HDAC4: variants seen among roughly 807,000 people sequenced by gnomAD.
HDAC4 encodes histone deacetylase A.
A neutral mutation model predicts 135.1 loss-of-function variants in HDAC4; 16 were observed. The ratio of observed to expected loss-of-function variants is 0.12; its 90% CI spans 0.08 to 0.18. The LOEUF (loss-of-function observed/expected upper bound fraction) is 0.18, where lower values mean the gene tolerates loss of function less well. HDAC4 is among the 10% of genes least tolerant of loss of function. The probability of loss-of-function intolerance (pLI) is 1.00; values close to 1 mark genes in which losing one functional copy is unlikely to be tolerated. For synonymous variants in HDAC4, 685 were observed against 653.4 expected (o/e 1.05, Z -0.74); for missense variants, 1,143 against 1,511.8 (o/e 0.76, Z 4.05).
intron 2 of HDAC4, among the ~76,000 whole-genome samples, chr2:239,254,329 T>C (rs2048941322): frequency 6.6e-6 from 1 of 151,492 alleles, no homozygotes; most frequent in Admixed American, 6.6e-5. Flanking sequence ...ACCCACCATG[T>C]GGGAATCGGC....
rs1052630585 is a variant in HDAC4, at chr2:239,303,803, G to C, written c.22+48875C>G. 6.6e-6 allele frequency among the ~76,000 whole-genome samples: 1 copy of C among 152,130 alleles called. No individual in the cohort carries two copies. Among genetic ancestry groups the C allele is most frequent in the South Asian group, 2.1e-4 (1 of 4,820 alleles). On this transcript the variant is annotated intron_variant, in intron 2 of 26. Transcript: ENST00000543185. The surrounding 1 kb of genome is among the most constrained non-coding windows in gnomAD (Gnocchi z 5.1). Reference sequence around the variant, plus strand: ...TCCCCCGTGCTCAACTGCAGGGCGCGGCACTCGCCTATGCTCTCATGAAGC... The same window carrying C: ...TCCCCCGTGCTCAACTGCAGGGCGCCGCACTCGCCTATGCTCTCATGAAGC...
intron 2 of HDAC4, among the ~76,000 whole-genome samples, chr2:239,287,996 T>C (rs1468159920): frequency 1.3e-5 from 2 of 151,768 alleles, no homozygotes; most frequent in Admixed American, 1.3e-4. Flanking sequence ...CCCCAAATAG[T>C]CTGAGGTTAA....
chr2:239,156,251 C>T (rs773470682), intron 7 of HDAC4, among the ~76,000 whole-genome samples: 1 of 152,226 alleles, frequency 6.6e-6, no homozygotes, highest in Non-Finnish European at 1.5e-5. Context: ...GCTGGCACTG[C>T]CCAGCGCCAT....
chr2:239,203,560 A>C (rs758963557), intron 3 of HDAC4, among the ~76,000 whole-genome samples: 12 of 152,194 alleles, frequency 7.9e-5, no homozygotes, highest in South Asian at 4.1e-4. Context: ...TAACTGAAAC[A>C]GACTTGGGTT....
intron 3 of HDAC4, among the ~76,000 whole-genome samples, chr2:239,211,304 T>C (rs1280556868): frequency 1.3e-5 from 2 of 152,166 alleles, no homozygotes; most frequent in Non-Finnish European, 2.9e-5. Flanking sequence ...CTAAGCAGTA[T>C]AAAAGCCAGC....
At chr2:239,278,587 G>A (rs1427485943) in intron 2 of HDAC4, among the ~76,000 whole-genome samples, 1 of 151,986 alleles carries the variant, frequency 6.6e-6, no homozygotes, top group Non-Finnish European at 1.5e-5. Context: ...CAGCAGGATC[G>A]CCTGAGCCCA....
At chr2:239,161,426 G>A (rs972893367) in intron 6 of HDAC4, among the ~76,000 whole-genome samples, 8 of 152,106 alleles carry the variant, frequency 5.3e-5, no homozygotes, top group African/African-American at 1.7e-4. Context: ...TCAGTTTTGC[G>A]TCTAGGCTCA....
intron 3 of HDAC4, among the ~76,000 whole-genome samples, chr2:239,204,791 T>G (rs1229510728): frequency 1.3e-5 from 2 of 152,164 alleles, no homozygotes; most frequent in Non-Finnish European, 2.9e-5. Flanking sequence ...GTCTATCCTC[T>G]GGAGCTCCTA....
chr2:239,278,717 T>C (rs971275887), intron 2 of HDAC4, among the ~76,000 whole-genome samples: 2 of 152,230 alleles, frequency 1.3e-5, no homozygotes, highest in Non-Finnish European at 2.9e-5. Flanking sequence ...TCAAAATAAG[T>C]GGCCGAAGGC....
chr2:239,193,594 G>A (rs1043945797), intron 3 of HDAC4, among the ~76,000 whole-genome samples: 3 of 152,250 alleles, frequency 2.0e-5, no homozygotes, highest in African/African-American at 7.2e-5. Flanking sequence ...GGAGGGTCAT[G>A]GGGACGGGGG....
chr2:239,272,073 T>C (rs1439682057), intron 2 of HDAC4, among the ~76,000 whole-genome samples: 1 of 152,194 alleles, frequency 6.6e-6, no homozygotes, highest in African/African-American at 2.4e-5. Context: ...CCCACGGACA[T>C]TCAATTAAAA....
At chr2:239,196,296 C>T (rs1016421108) in intron 3 of HDAC4, among the ~76,000 whole-genome samples, 1 of 152,128 alleles carries the variant, frequency 6.6e-6, no homozygotes, top group African/African-American at 2.4e-5. Flanking sequence ...AGTAAAAGAA[C>T]AGTAATGAAA....
chr2:239,088,571 C>T (rs746134981), intron 18 of HDAC4, among the ~76,000 whole-genome samples: 47 of 152,304 alleles, frequency 3.1e-4, no homozygotes, highest in East Asian at 7.7e-4. Context: ...ACACCTGCGC[C>T]GATGGTGCTG....
chr2:239,345,931 TAACA>T lies in HDAC4; in HGVS notation c.22+6743_22+6746del, dbSNP rs369501958. ...CCATCTCACACACGTGCACTCACTC[TAACA>T]AACACACACATCCTAACACACATAC... is the stretch of plus-strand genomic sequence containing the variant. On this transcript the variant is annotated intron_variant, in intron 2 of 26. Transcript: ENST00000543185. 4.2e-3 allele frequency among the ~76,000 whole-genome samples: 489 copies of T among 115,894 alleles called. 1 individual carries two copies. The highest frequency in any genetic ancestry group is 0.013 in the African/African-American group (382 of 30,022). 76.0% of individuals were successfully genotyped at this position (115,894 alleles called of 152,430 possible).
chr2:239,243,922 G>A (rs564868931), intron 2 of HDAC4, among the ~76,000 whole-genome samples: 33 of 152,288 alleles, frequency 2.2e-4, no homozygotes, highest in African/African-American at 7.5e-4. Context: ...TTCTGTCCTA[G>A]CGCCCATCCA....
chr2:239,386,515 C>G (rs1053297688), intron 1 of HDAC4, among the ~76,000 whole-genome samples: 1 of 152,148 alleles, frequency 6.6e-6, no homozygotes, highest in African/African-American at 2.4e-5. Context: ...TGCGAGGCCT[C>G]TGGAGCCCAC....
chr2:239,348,163 C>T (rs902004623), intron 2 of HDAC4, among the ~76,000 whole-genome samples: 3 of 150,694 alleles, frequency 2.0e-5, no homozygotes, highest in Non-Finnish European at 4.4e-5. Context: ...CCAGCAAATG[C>T]ACTGCTTCCT....
chr2:239,088,712 G>A (rs1023983958), intron 18 of HDAC4, among the ~76,000 whole-genome samples: 3 of 152,238 alleles, frequency 2.0e-5, no homozygotes, highest in East Asian at 1.9e-4. Flanking sequence ...CCTCAAACAC[G>A]TCCTTTTAAC....
At chr2:239,362,151 C>T (rs865829349) in intron 1 of HDAC4, among the ~76,000 whole-genome samples, 1 of 152,242 alleles carries the variant, frequency 6.6e-6, no homozygotes, top group Non-Finnish European at 1.5e-5. Context: ...TTTTAATTTA[C>T]AAGCACCTTT....
Sources: gnomAD v4.1 joint callset for allele counts (sites outside exome capture counted in the v4.1 genomes callset) on GRCh38, gnomAD v4.1.1 for gene constraint, Gnocchi (gnomAD v3.1) non-coding constraint, MANE v1.5 for transcripts, NCBI Gene and HGNC (gene_info 2026-07-23, HGNC 2026-07-21) for gene names.